The following CFAP92 variants were observed in gnomAD, a reference collection of about 807,000 sequenced individuals.
CFAP92 encodes cilia and flagella associated protein 92 (putative).
Under a neutral mutation model 106.3 loss-of-function variants are expected in CFAP92, and 86 were observed. The observed-to-expected ratio is 0.81, with a 90% CI of 0.68 to 0.97. The LOEUF (loss-of-function observed/expected upper bound fraction) is 0.97. Among genes scored for constraint, CFAP92 ranks in the 50% least tolerant of loss-of-function variants. The pLI is 0.00. For missense variants in CFAP92, 1,204 were observed against 1,283.8 expected (o/e 0.94, Z 0.95); for synonymous variants, 477 against 506.4 (o/e 0.94, Z 0.78).
At chr3:128,917,166 T>C (rs1353909275) in intron 12 of CFAP92, among the ~76,000 whole-genome samples, 1 of 152,214 alleles carries the variant, frequency 6.6e-6, no homozygotes, top group Non-Finnish European at 1.5e-5. Flanking sequence ...GAGAAGATTA[T>C]ACTAGGGATG....
At chr3:128,989,116 T>C (rs563260339) in intron 2 of CFAP92, among the ~76,000 whole-genome samples, 198 bp from the exon 3 acceptor site, 2 of 151,916 alleles carry the variant, frequency 1.3e-5, no homozygotes, top group Non-Finnish European at 2.9e-5. Flanking sequence ...AGTGCAAAAT[T>C]TAGGTGCATG....
intron 4 of CFAP92, among the ~76,000 whole-genome samples, chr3:128,981,999 G>A (rs1943566050): frequency 6.6e-6 from 1 of 152,180 alleles, no homozygotes; most frequent in Non-Finnish European, 1.5e-5. Flanking sequence ...TTCTTAATAG[G>A]CTCTAGGGTT....
intron 4 of CFAP92, among the ~76,000 whole-genome samples, chr3:128,983,959 G>C (rs543087507): frequency 2.6e-5 from 4 of 152,226 alleles, no homozygotes; most frequent in African/African-American, 7.2e-5. Context: ...AGGCCGGCAG[G>C]AGAGAGGAGG....
At chr3:128,981,162 AAGGAGCTGGGACTAC>A (rs1187947656) in intron 4 of CFAP92, among the ~76,000 whole-genome samples, 1 of 149,982 alleles carries the variant, frequency 6.7e-6, no homozygotes, top group Non-Finnish European at 1.5e-5. Flanking sequence ...TCAGCCTCCC[AAGGAGCTGGGACTAC>A]AGGCGCCCAC....
chr3:128,913,381 G>A (rs939842665), intron 15 of CFAP92, among the ~76,000 whole-genome samples: 4 of 152,186 alleles, frequency 2.6e-5, no homozygotes, highest in Non-Finnish European at 4.4e-5. Flanking sequence ...TTCTTTACAA[G>A]AACTGGCTTC....
intron 5 of CFAP92, 61 bp downstream of exon 5, chr3:128,977,984 C>T: frequency 6.2e-7 from 1 of 1,605,040 alleles, no homozygotes; most frequent in Non-Finnish European, 8.5e-7. Context: ...GCACACCACA[C>T]AACCGCTTTC....
At chr3:128,921,246 A>T (rs1371990758) in intron 12 of CFAP92, among the ~76,000 whole-genome samples, 3 of 152,160 alleles carry the variant, frequency 2.0e-5, no homozygotes, top group Admixed American at 6.5e-5. Context: ...GGAACACTAG[A>T]GTGTGTGAAA....
rs755058210 is a variant in CFAP92, at chr3:128,993,179, C to G, written c.126G>C (p.Arg42Ser). ...GGCGGTCAGAGTCAGACTCCTGGGC[C>G]CTGGCCTTGGCCTTCAGGTGTTCCT... ...DVEEHLKAKA[R>S]AQESDSDRPC... Residue 42 changes from arginine (R) to serine (S), a missense_variant, in exon 2 of 16, where the codon AGG becomes AGC. By Grantham distance (110) the Arg-to-Ser change is moderately radical. Coordinates refer to ENST00000645291, the MANE Select transcript of CFAP92 (RefSeq NM_001394090.1). The G allele has an allele frequency of 7.4e-6, 12 of 1,613,938 alleles. No individual in the cohort carries two copies. In the African/African-American group the frequency reaches 1.1e-4, roughly 14 times the overall value.
At chr3:128,936,458 A>T (rs1939034071) in intron 10 of CFAP92, among the ~76,000 whole-genome samples, 2 of 152,158 alleles carry the variant, frequency 1.3e-5, no homozygotes, top group Non-Finnish European at 2.9e-5. Flanking sequence ...GTGAAAGTTG[A>T]GCACATGCAT....
At chr3:128,920,429 GATTA>G (rs1196384920) in intron 12 of CFAP92, among the ~76,000 whole-genome samples, 1 of 152,038 alleles carries the variant, frequency 6.6e-6, no homozygotes. Flanking sequence ...AAATAATTAT[GATTA>G]ATCAAAATAA....
Position 128,965,596 on chromosome 3 carries a change from T to G in CFAP92, c.1268A>C (p.Gln423Pro). ...KTEVPIMTEEQKQDLNPLTIK... is the reference protein window; with the variant it reads ...KTEVPIMTEEPKQDLNPLTIK... ...GGTCAGGGGATTTAAATCCTGCTTT[T>G]GCTCCTCGGTCATGATCGGAACTTC... is the stretch of plus-strand genomic sequence containing the variant. Residue 423 changes from glutamine (Q) to proline (P), a missense_variant, in exon 9 of 16, where the codon CAA (glutamine) becomes CCA (proline). Coordinates refer to ENST00000645291, the MANE Select transcript of CFAP92 (RefSeq NM_001394090.1). 1 of 399,042 alleles carries G rather than the reference T, an allele frequency of 2.5e-6. No homozygotes were observed. Among genetic ancestry groups the G allele is most frequent in the Non-Finnish European group, 4.4e-6 (1 of 226,076 alleles). The allele number at this position is 399,042 out of a possible 1,614,324, so 24.7% of individuals were successfully genotyped here. A position where few individuals can be genotyped will look rare whatever the true frequency, so the allele number is the denominator to read the frequency against.
intron 7 of CFAP92, among the ~76,000 whole-genome samples, chr3:128,975,523 A>AATGG (rs1559919529): frequency 6.6e-6 from 1 of 151,760 alleles, no homozygotes; most frequent in African/African-American, 2.4e-5. Flanking sequence ...TGGATGAATG[A>AATGG]ATGGATGGAT....
At chr3:128,975,701 T>A (rs1943110520) in intron 7 of CFAP92, 78 bp downstream of exon 7, 2 of 1,173,394 alleles carry the variant, frequency 1.7e-6, no homozygotes, top group East Asian at 5.3e-5. Flanking sequence ...CTCATTGAAG[T>A]ATCCTGAATT....
At position 128,975,863 on chromosome 3, in the gene CFAP92, C is replaced by A; in HGVS notation, c.937G>T (p.Ala313Ser). Residue 313 changes from alanine (A) to serine (S), a missense_variant, in exon 7 of 16, where the codon GCA (alanine) becomes TCA (serine). Coordinates refer to ENST00000645291, the MANE Select transcript of CFAP92 (RefSeq NM_001394090.1). The part of the protein sequence containing the change: ...SRTPTISLAG[A>S]SMMEIKELIE... The stretch of plus-strand genomic sequence containing the variant: ...AATTCCTTGATCTCCATCATGCTTG[C>A]TCCTGCCAAAGAAATGGTTGGTGTT... 1.2e-6 allele frequency: 2 copies of A among 1,610,288 alleles called. No homozygotes were observed. The highest frequency in any genetic ancestry group is 1.7e-6 in the Non-Finnish European group (2 of 1,178,278).
intron 8 of CFAP92, chr3:128,968,794 A>C (rs1576569827): frequency 6.5e-6 from 1 of 152,672 alleles, no homozygotes; most frequent in African/African-American, 2.4e-5. Flanking sequence ...AGCATTGTAC[A>C]TGACGGGGCA....
At chr3:129,010,353 C>G in the CFAP92 span, among the ~76,000 whole-genome samples, 3 of 152,226 alleles carry the variant, frequency 2.0e-5, no homozygotes, top group Non-Finnish European at 4.4e-5. This position sits in a 1 kb window ranked among gnomAD's most constrained non-coding sequence, Gnocchi z 4.3. Flanking sequence ...GCAGGGCAGG[C>G]AGCCTAGGGC....
At chr3:128,921,426 G>T (rs532589531) in intron 12 of CFAP92, among the ~76,000 whole-genome samples, 12 of 152,320 alleles carry the variant, frequency 7.9e-5, no homozygotes, top group Admixed American at 6.5e-4. Flanking sequence ...GTGTCAAACT[G>T]CTATTAGACC....
upstream of CFAP92, among the ~76,000 whole-genome samples, chr3:128,998,557 C>T (rs151115621): frequency 3.3e-4 from 51 of 152,262 alleles, no homozygotes; most frequent in African/African-American, 1.2e-3. Flanking sequence ...GATAATACCA[C>T]AAGCTTATAA....
chr3:128,943,919 C>CCCCAT (rs1553747259), intron 10 of CFAP92, among the ~76,000 whole-genome samples: 16 of 86,938 alleles, frequency 1.8e-4, no homozygotes, highest in African/African-American at 1.1e-3. Flanking sequence ...TTATTTCCCC[C>CCCCAT]GTTTTTTTTT....
Sources: gnomAD v4.1 joint callset for allele counts (sites outside exome capture counted in the v4.1 genomes callset) on GRCh38, gnomAD v4.1.1 for gene constraint, Gnocchi (gnomAD v3.1) non-coding constraint, MANE v1.5 for transcripts, NCBI Gene and HGNC (gene_info 2026-07-23, HGNC 2026-07-21) for gene names.